UNC13C: variants seen among roughly 807,000 people sequenced by gnomAD.
UNC13C encodes the protein protein unc-13 homolog C.
Under a neutral mutation model 245.4 loss-of-function variants are expected in UNC13C, and 174 were observed. That is an observed-to-expected ratio of 0.71 (90% CI 0.63 to 0.80). UNC13C has a LOEUF of 0.80. UNC13C is among the 30% of genes least tolerant of loss of function. UNC13C has a pLI of 0.00. For synonymous variants in UNC13C, 992 were observed against 895.1 expected, an observed-to-expected ratio of 1.11 and a Z score of -1.93; for missense variants, 2,829 against 2,602.9, an observed-to-expected ratio of 1.09 and a Z score of -1.89.
intron 30 of UNC13C, among the ~76,000 whole-genome samples, chr15:54,590,993 A>C (rs554462725): frequency 6.6e-6 from 1 of 152,236 alleles, no homozygotes; most frequent in South Asian, 2.1e-4. Flanking sequence ...TGAGGGTTTT[A>C]ATCATAAAGG....
the UNC13C span, among the ~76,000 whole-genome samples, chr15:53,970,704 T>A: frequency 6.6e-6 from 1 of 151,916 alleles, no homozygotes; most frequent in African/African-American, 2.4e-5. Context: ...AGGGAGAGCA[T>A]CAGGAAGAAA....
intron 17 of UNC13C, among the ~76,000 whole-genome samples, chr15:54,385,199 T>A (rs977780657): frequency 5.3e-5 from 8 of 152,150 alleles, no homozygotes; most frequent in Non-Finnish European, 5.9e-5. Flanking sequence ...GGAATCAACC[T>A]AAGTGCCCAT....
intron 2 of UNC13C, among the ~76,000 whole-genome samples, chr15:54,043,779 C>T (rs1286549143): frequency 1.3e-5 from 2 of 152,178 alleles, no homozygotes; most frequent in East Asian, 1.9e-4. Context: ...CATATGACTT[C>T]ATTTACATAC....
intron 2 of UNC13C, among the ~76,000 whole-genome samples, chr15:54,130,064 G>A (rs1358356910): frequency 2.8e-5 from 4 of 144,994 alleles, no homozygotes; most frequent in African/African-American, 5.1e-5. Flanking sequence ...GTGTTTTAGT[G>A]CATTTAGTTT....
At position 54,307,245 on chromosome 15, in the gene UNC13C, A is replaced by T. The variant is rs138747037; in HGVS notation, c.4268+6872A>T. The stretch of plus-strand genomic sequence containing the variant: ...AGGTCCAAAATTAAGGTGCCATCAG[A>T]TCTGGTGTCTGACGAGGGCCATTTC... On this transcript the variant is annotated intron_variant, in intron 13 of 32. Transcript: ENST00000260323. 1.1e-3 allele frequency among the ~76,000 whole-genome samples: 166 copies of T among 152,088 alleles called. 1 individual carries two copies. The highest frequency in any genetic ancestry group is 0.01 in the Middle Eastern group (3 of 294).
At chr15:54,058,244 A>AATCAAAT (rs1227949179) in intron 2 of UNC13C, among the ~76,000 whole-genome samples, 11 of 152,180 alleles carry the variant, frequency 7.2e-5, no homozygotes, top group African/African-American at 2.7e-4. Context: ...AAGAGAGAAG[A>AATCAAAT]ATCAAATAGA....
At chr15:54,411,562 T>G (rs491328) in intron 18 of UNC13C, among the ~76,000 whole-genome samples, 1 of 152,094 alleles carries the variant, frequency 6.6e-6, no homozygotes, top group Non-Finnish European at 1.5e-5. Context: ...TTGCATGTGG[T>G]TATTCAAGTA....
intron 1 of UNC13C, among the ~76,000 whole-genome samples, chr15:54,009,563 G>A (rs944661939): frequency 1.2e-5 from 1 of 85,706 alleles, no homozygotes; most frequent in South Asian, 3.9e-4. Context: ...TTTTTTTTTT[G>A]TTGAGATGAA....
chr15:54,463,094 G>A (rs1330914219), intron 19 of UNC13C, among the ~76,000 whole-genome samples: 2 of 151,674 alleles, frequency 1.3e-5, no homozygotes, highest in Non-Finnish European at 2.9e-5. Flanking sequence ...GTGGGGACTT[G>A]GAGAACTTTT....
chr15:54,589,221 G>A (rs775830350), intron 30 of UNC13C, among the ~76,000 whole-genome samples: 11 of 145,764 alleles, frequency 7.5e-5, no homozygotes, highest in South Asian at 2.2e-4. Context: ...TTTGCATTTC[G>A]TTGATCATTA....
intron 16 of UNC13C, 59 bp from the exon 17 acceptor site, chr15:54,338,302 A>G: frequency 1.3e-6 from 2 of 1,566,868 alleles, no homozygotes; most frequent in Non-Finnish European, 1.7e-6. Flanking sequence ...TGAGTAGTTT[A>G]TACTAGATTA....
intron 30 of UNC13C, among the ~76,000 whole-genome samples, chr15:54,573,344 A>T (rs185709932): frequency 3.3e-5 from 5 of 152,242 alleles, no homozygotes; most frequent in Non-Finnish European, 7.3e-5. Context: ...TTAGAAATTT[A>T]TGAGCCAAAT....
intron 4 of UNC13C, among the ~76,000 whole-genome samples, chr15:54,178,116 G>C (rs2033676838): frequency 6.6e-6 from 1 of 151,898 alleles, no homozygotes; most frequent in South Asian, 2.1e-4. Flanking sequence ...CTATTTTTCA[G>C]CTACAGTAAA....
chr15:54,117,578 T>C (rs1013515711), intron 2 of UNC13C, among the ~76,000 whole-genome samples: 3 of 151,024 alleles, frequency 2.0e-5, no homozygotes, highest in Non-Finnish European at 4.4e-5. Flanking sequence ...ATTTTCTCTA[T>C]CTCTAGCTCT....
chr15:54,330,305 A>G (rs1395923843), intron 14 of UNC13C, among the ~76,000 whole-genome samples: 2 of 152,080 alleles, frequency 1.3e-5, no homozygotes, highest in Non-Finnish European at 2.9e-5. Context: ...ATTTGATTTA[A>G]TAAGCTGTCT....
upstream of UNC13C, chr15:53,974,873 G>C (rs904877807): frequency 6.6e-6 from 1 of 152,110 alleles, no homozygotes; most frequent in Non-Finnish European, 1.5e-5. Context: ...TGTCAGCAGT[G>C]GTTGCAGTCA....
At chr15:54,038,124 A>ATAAATTTTTTTTTTTTTTTTTT in intron 2 of UNC13C, among the ~76,000 whole-genome samples, 3 of 45,034 alleles carry the variant, frequency 6.7e-5, no homozygotes, top group African/African-American at 3.2e-4. Context: ...ATATATATAT[A>ATAAATTTTTTTTTTTTTTTTTT]TTTTTTTTTT....
chr15:54,619,280 T>C (rs1038213437), intron 30 of UNC13C, among the ~76,000 whole-genome samples: 1 of 152,180 alleles, frequency 6.6e-6, no homozygotes, highest in Non-Finnish European at 1.5e-5. Flanking sequence ...GATGCTTATC[T>C]AGAATCTCTC....
At chr15:54,525,430 A>G in intron 24 of UNC13C, 119 bp from the exon 25 acceptor site, 1 of 574,060 alleles carries the variant, frequency 1.7e-6, no homozygotes, top group Non-Finnish European at 2.8e-6. Flanking sequence ...AAAAAAAAGA[A>G]GAGAAAAAAG....
Sources: gnomAD v4.1 joint callset for allele counts (sites outside exome capture counted in the v4.1 genomes callset) on GRCh38, gnomAD v4.1.1 for gene constraint, MANE v1.5 for transcripts, NCBI Gene and HGNC (gene_info 2026-07-23, HGNC 2026-07-21) for gene names.